Variants in KCNQ3 observed in about 807,000 individuals in gnomAD.
KCNQ3 encodes potassium voltage-gated channel subfamily Q member 3.
A neutral mutation model predicts 92.5 loss-of-function variants in KCNQ3; 30 were observed. The observed-to-expected ratio is 0.32, with a 90% CI of 0.24 to 0.44. KCNQ3 has a LOEUF of 0.44. Among genes scored for constraint, KCNQ3 ranks in the 20% least tolerant of loss-of-function variants. The probability of loss-of-function intolerance (pLI) is 1.00; values close to 1 mark genes in which losing one functional copy is unlikely to be tolerated. For synonymous variants in KCNQ3, 450 were observed against 468.8 expected, an observed-to-expected ratio of 0.96 and a Z score of 0.52; for missense variants, 913 against 1,140.3, an observed-to-expected ratio of 0.80 and a Z score of 2.87.
chr8:132,262,603 C>A (rs895735511), intron 1 of KCNQ3, among the ~76,000 whole-genome samples: 1 of 150,032 alleles, frequency 6.7e-6, no homozygotes, highest in Non-Finnish European at 1.5e-5. Flanking sequence ...AAGGGGTAGG[C>A]CACAGTGAAG....
chr8:132,298,404 AG>A (rs1378136710), intron 1 of KCNQ3, among the ~76,000 whole-genome samples: 3 of 152,134 alleles, frequency 2.0e-5, no homozygotes, highest in Non-Finnish European at 4.4e-5. Context: ...GTCCTTAATC[AG>A]GGTGTGGGGA....
At chr8:132,391,682 C>T (rs575478760) in intron 1 of KCNQ3, among the ~76,000 whole-genome samples, 2 of 152,194 alleles carry the variant, frequency 1.3e-5, no homozygotes, top group Non-Finnish European at 2.9e-5. Context: ...GAGAAAACAT[C>T]TTCCCCCTCC....
intron 1 of KCNQ3, among the ~76,000 whole-genome samples, chr8:132,293,999 G>GTGTGTGTGTGTGTTTTTTTTTTGTTGTT (rs61040125): frequency 1.7e-4 from 15 of 87,810 alleles, no homozygotes; most frequent in African/African-American, 5.1e-4. Flanking sequence ...GTGTGTGTGT[G>GTGTGTGTGTGTGTTTTTTTTTTGTTGTT]GTTTTTTTTT....
rs547529900 is a variant in KCNQ3 at position 132,454,445 on chromosome 8, A to G, written c.386+25702T>C. Among the ~76,000 whole-genome samples, 11 of 152,350 alleles carry G rather than the reference A, an allele frequency of 7.2e-5. No homozygotes were observed. In the South Asian group the frequency reaches 2.3e-3, roughly 32 times the overall value. On this transcript the variant is annotated intron_variant, in intron 1 of 14. Coordinates refer to ENST00000388996, the MANE Select transcript of KCNQ3 (RefSeq NM_004519.4). ...GTCAATGCTGTACCAAGTGCTTTAC[A>G]TAAATAAACTCATTTTATTCTCCTA...
At chr8:132,340,675 C>T (rs1586940684) in intron 1 of KCNQ3, among the ~76,000 whole-genome samples, 2 of 152,196 alleles carry the variant, frequency 1.3e-5, no homozygotes, top group East Asian at 3.9e-4. Flanking sequence ...GCAAGTGGGG[C>T]TTAACACCTA....
chr8:132,181,221 G>A (rs1826759811), intron 3 of KCNQ3, among the ~76,000 whole-genome samples: 1 of 152,164 alleles, frequency 6.6e-6, no homozygotes, highest in Non-Finnish European at 1.5e-5. Context: ...TAGTATGGAA[G>A]AGGGAGGAAC....
At chr8:132,238,862 C>CT (rs1250247201) in intron 1 of KCNQ3, among the ~76,000 whole-genome samples, 1 of 152,106 alleles carries the variant, frequency 6.6e-6, no homozygotes, top group Non-Finnish European at 1.5e-5. Flanking sequence ...GACACTCAGA[C>CT]TGCAACCATA....
At chr8:132,245,926 T>A (rs938316628) in intron 1 of KCNQ3, among the ~76,000 whole-genome samples, 27 of 152,168 alleles carry the variant, frequency 1.8e-4, no homozygotes, top group African/African-American at 5.8e-4. Flanking sequence ...TTTAGCAGAG[T>A]GCCTGTTACA....
At chr8:132,155,347 G>T (rs1825770493) in intron 9 of KCNQ3, among the ~76,000 whole-genome samples, 1 of 152,202 alleles carries the variant, frequency 6.6e-6, no homozygotes, top group Non-Finnish European at 1.5e-5. Flanking sequence ...GTGTTGCAAA[G>T]CCAGGATTCA....
intron 1 of KCNQ3, among the ~76,000 whole-genome samples, chr8:132,393,574 A>G (rs1338189417): frequency 2.0e-5 from 3 of 152,216 alleles, no homozygotes; most frequent in African/African-American, 7.2e-5. Context: ...CCTGGTGCAT[A>G]GTAGGTGTTT....
chr8:132,303,861 T>C (rs914617720), intron 1 of KCNQ3, among the ~76,000 whole-genome samples: 2 of 150,252 alleles, frequency 1.3e-5, no homozygotes, highest in African/African-American at 4.9e-5. Flanking sequence ...TGTGTATATA[T>C]ACACACATAT....
intron 9 of KCNQ3, among the ~76,000 whole-genome samples, chr8:132,153,275 A>G (rs1171196634): frequency 2.6e-5 from 4 of 152,208 alleles, no homozygotes; most frequent in Non-Finnish European, 4.4e-5. Context: ...TTTTTGGGAA[A>G]GTAAGACCAA....
chr8:132,451,382 T>A (rs1182296993), intron 1 of KCNQ3, among the ~76,000 whole-genome samples: 1 of 152,218 alleles, frequency 6.6e-6, no homozygotes, highest in East Asian at 1.9e-4. Flanking sequence ...ACAATCGGGC[T>A]CAAGAAGCAT....
At chr8:132,350,592 C>T (rs908671370) in intron 1 of KCNQ3, among the ~76,000 whole-genome samples, 4 of 152,198 alleles carry the variant, frequency 2.6e-5, no homozygotes, top group East Asian at 1.9e-4. Context: ...AAGCGGGGCT[C>T]TTTCCTGGGA....
chr8:132,384,145 AGTCT>A (rs1226962560), intron 1 of KCNQ3, among the ~76,000 whole-genome samples: 1 of 152,120 alleles, frequency 6.6e-6, no homozygotes, highest in Non-Finnish European at 1.5e-5. Context: ...TGACTCAGTG[AGTCT>A]TTGCTAGGTC....
rs1824487023 is a variant in KCNQ3 at position 132,122,066 on chromosome 8, T to C, written c.*7196A>G. 1 of 152,128 alleles carries C rather than the reference T, an allele frequency of 6.6e-6. No individual in the cohort carries two copies. The highest frequency in any genetic ancestry group is 2.4e-5 in the African/African-American group (1 of 41,418). 9.4% of individuals were successfully genotyped at this position (152,128 alleles called of 1,614,324 possible). ...GAGTGAACGTAGAAGCCCGAAGCAT[T>C]GTGGAGGAGCTAGGGCCTGATTTGA... On this transcript the variant is annotated 3_prime_UTR_variant, in exon 15 of 15. Transcript: ENST00000388996.
In KCNQ3 at chr8:132,161,203, C is replaced by T. The variant is rs773030357; in HGVS notation, c.1262+2265G>A. On this transcript the variant is annotated intron_variant, in intron 9 of 14. Coordinates refer to ENST00000388996, the MANE Select transcript of KCNQ3 (RefSeq NM_004519.4). ...ACTGGAAAGTCATTTTTCTTATCCCCAATATAGCACCAGCATGTTAAGTTA... is the reference window on the plus strand; with the variant it reads ...ACTGGAAAGTCATTTTTCTTATCCCTAATATAGCACCAGCATGTTAAGTTA... 2.0e-5 allele frequency among the ~76,000 whole-genome samples: 3 copies of T among 152,258 alleles called. 1 individual carries two copies. The highest frequency in any genetic ancestry group is 7.2e-5 in the African/African-American group (3 of 41,556).
intron 8 of KCNQ3, 68 bp downstream of exon 8, chr8:132,170,266 G>C (rs1826283405): frequency 8.7e-7 from 1 of 1,149,350 alleles, no homozygotes; most frequent in African/African-American, 1.5e-5. Flanking sequence ...TGAGGCCACA[G>C]ACACGAATAC....
intron 1 of KCNQ3, among the ~76,000 whole-genome samples, chr8:132,302,062 C>T (rs1817232091): frequency 6.6e-6 from 1 of 152,150 alleles, no homozygotes; most frequent in Non-Finnish European, 1.5e-5. Flanking sequence ...CCAGGTTTAA[C>T]ATGTGAATGG....
Sources: allele counts gnomAD v4.1 joint callset (sites outside exome capture counted in the v4.1 genomes callset), GRCh38; gene constraint gnomAD v4.1.1; transcripts MANE v1.5; gene names NCBI Gene and HGNC (gene_info 2026-07-23, HGNC 2026-07-21).